The following PLCZ1 variants were observed in gnomAD, a reference collection of about 807,000 sequenced individuals.
PLCZ1 encodes phospholipase C zeta 1, also known as 1-phosphatidylinositol 4,5-bisphosphate phosphodiesterase zeta-1.
A neutral mutation model predicts 76.8 loss-of-function variants in PLCZ1; 64 were observed. The ratio of observed to expected loss-of-function variants is 0.83; its 90% CI spans 0.68 to 1.03. The LOEUF is 1.03. Among genes scored for constraint, PLCZ1 ranks in the 50% least tolerant of loss-of-function variants. The pLI is 0.00. For missense variants in PLCZ1, 751 were observed against 713.7 expected, an observed-to-expected ratio of 1.05 and a Z score of -0.60; for synonymous variants, 248 against 230.8, an observed-to-expected ratio of 1.07 and a Z score of -0.68.
intron 10 of PLCZ1, among the ~76,000 whole-genome samples, chr12:18,697,538 C>T (rs779975240): frequency 2.6e-5 from 4 of 152,026 alleles, no homozygotes; most frequent in African/African-American, 9.7e-5. Context: ...CTGAGATTAA[C>T]CTTTAGAAAA....
rs761409846 is a variant in PLCZ1 at position 18,694,912 on chromosome 12, T to C, written c.1459A>G (p.Arg487Gly). 3.2e-6 allele frequency: 5 copies of C among 1,586,236 alleles called. No homozygotes were observed. Among genetic ancestry groups the C allele is most frequent in the Non-Finnish European group, 4.3e-6 (5 of 1,157,288 alleles). Residue 487 changes from arginine (R) to glycine (G), a missense_variant and splice_region_variant, in exon 12 of 15, where the codon AGG (arginine) becomes GGG (glycine). Arg to Gly is a moderately radical substitution (Grantham distance 125, BLOSUM62 -2). Transcript: ENST00000266505. ...AAAAGAAAATTTATTAATCTTACCC[T>C]TATTGTAAGTGTAATTGGCATACCC... Reference protein sequence around the residue: ...KEGMPITLTIRLISGIQLPLT... With the variant: ...KEGMPITLTIGLISGIQLPLT...
the PLCZ1 span, among the ~76,000 whole-genome samples, chr12:18,676,284 G>A: frequency 0.1 from 15,851 of 152,138 alleles, 1,052 homozygotes; most frequent in African/African-American, 0.19. Context: ...AGCAATATGA[G>A]CTAATAAATG....
chr12:18,732,184 CTT>C (rs937521359), intron 3 of PLCZ1, among the ~76,000 whole-genome samples: 26 of 152,134 alleles, frequency 1.7e-4, no homozygotes, highest in Admixed American at 1.7e-3. Context: ...CAGGGTCTCT[CTT>C]TGTCACCCAG....
At chr12:18,696,378 A>C (rs905190333) in intron 10 of PLCZ1, 112 bp from the exon 11 acceptor site, 7 of 225,796 alleles carry the variant, frequency 3.1e-5, no homozygotes, top group Non-Finnish European at 4.4e-5. Flanking sequence ...AGTTTCAACA[A>C]TTTTGATATG....
chr12:18,705,201 G>C lies in PLCZ1; in HGVS notation c.829C>G (p.Leu277Val), dbSNP rs1228806714. 1.9e-6 allele frequency: 3 copies of C among 1,613,866 alleles called. No individual in the cohort carries two copies. The highest frequency in any genetic ancestry group is 1.7e-6 in the Non-Finnish European group (2 of 1,179,986). ...TFGESLLSDMLDDFPDTLPSP... is the reference protein window; with the variant it reads ...TFGESLLSDMVDDFPDTLPSP... ...GGTAGAGTATCAGGAAAATCATCAA[G>C]CATATCAGAAAGCAAGGACTCTCCA... The change falls in exon 7 of 15, where the codon CTT (leucine) becomes GTT (valine). Residue 277 changes from leucine to valine, a missense_variant. Transcript: ENST00000266505.
At chr12:18,701,441 A>G (rs1955900550) in intron 9 of PLCZ1, 60 bp downstream of exon 9, 3 of 1,607,480 alleles carry the variant, frequency 1.9e-6, no homozygotes, top group East Asian at 2.2e-5. Flanking sequence ...AAAAATCTCC[A>G]AGAATAAAAT....
chr12:18,689,554 C>G (rs1456246533), intron 12 of PLCZ1, among the ~76,000 whole-genome samples: 1 of 152,032 alleles, frequency 6.6e-6, no homozygotes, highest in Non-Finnish European at 1.5e-5. Context: ...ATTGGACACC[C>G]CTGGTTTAGG....
At chr12:18,694,784 G>T in intron 12 of PLCZ1, 126 bp downstream of exon 12, 1 of 757,868 alleles carries the variant, frequency 1.3e-6, no homozygotes, top group Non-Finnish European at 2.1e-6. Flanking sequence ...CCCACATATA[G>T]TACCTGAAAA....
chr12:18,671,187 T>TAA, the PLCZ1 span, among the ~76,000 whole-genome samples: 471 of 134,100 alleles, frequency 3.5e-3, 3 homozygotes, highest in African/African-American at 9.4e-3. Flanking sequence ...AGACTCCATC[T>TAA]AAAAAAAAAA....
In PLCZ1 at chr12:18,705,288, A is replaced by C. The variant is rs771533355; in HGVS notation, c.742T>G (p.Leu248Val). ...MTSDYPVVLSLENHCSTAQQE... is the reference protein window; with the variant it reads ...MTSDYPVVLSVENHCSTAQQE... ...TGGGCAGTGGAGCAGTGATTTTCTA[A>C]AGAGAGCACCACTGGGTAGTCAGAT... Residue 248 changes from leucine (L) to valine (V), a missense_variant, in exon 7 of 15, where the codon TTA becomes GTA. Physicochemically the swap from Leu to Val is conservative, Grantham distance 32. Transcript: ENST00000266505. 1.9e-6 allele frequency: 3 copies of C among 1,614,130 alleles called. No homozygotes were observed. Among genetic ancestry groups the C allele is most frequent in the Admixed American group, 3.3e-5 (2 of 60,020 alleles).
intron 12 of PLCZ1, chr12:18,692,722 A>C: frequency 1.2e-6 from 1 of 840,410 alleles, no homozygotes; most frequent in Non-Finnish European, 1.9e-6. Context: ...AATCATCAAC[A>C]TAAAGAAAAA....
intron 9 of PLCZ1, among the ~76,000 whole-genome samples, chr12:18,700,291 T>A (rs1955701447): frequency 6.6e-6 from 1 of 152,010 alleles, no homozygotes; most frequent in Admixed American, 6.6e-5. Flanking sequence ...TGAAATGACT[T>A]CTATTACATA....
intron 10 of PLCZ1, 84 bp downstream of exon 10, chr12:18,699,710 T>C (rs1275297666): frequency 2.2e-6 from 3 of 1,352,084 alleles, no homozygotes; most frequent in South Asian, 2.4e-5. Flanking sequence ...ATACATTTTA[T>C]AAATATCATT....
At chr12:18,719,902 T>C (rs1958339033) in intron 4 of PLCZ1, among the ~76,000 whole-genome samples, 1 of 152,020 alleles carries the variant, frequency 6.6e-6, no homozygotes, top group African/African-American at 2.4e-5. Context: ...AAAGTACATA[T>C]ATTATGGACC....
At chr12:18,718,633 C>T (rs1958238402) in intron 5 of PLCZ1, among the ~76,000 whole-genome samples, 1 of 152,132 alleles carries the variant, frequency 6.6e-6, no homozygotes, top group Non-Finnish European at 1.5e-5. Context: ...CATGCCACAA[C>T]TATTTCTTTT....
the PLCZ1 span, among the ~76,000 whole-genome samples, chr12:18,657,749 A>G: frequency 6.6e-6 from 1 of 152,206 alleles, no homozygotes. Flanking sequence ...ACACTATAAT[A>G]TTCAAAATGT....
In PLCZ1 at chr12:18,737,408, G is replaced by A; in HGVS notation, c.-37C>T. On this transcript the variant is annotated 5_prime_UTR_variant, in exon 2 of 15. Transcript: ENST00000266505. ...CTGTAGAGCCGTTTCTCCTCACTTA[G>A]AAGTCTTTCCCCAGTAGGTGCTGTC... The A allele has an allele frequency of 6.2e-7, 1 of 1,613,330 alleles. No individual in the cohort carries two copies. Among genetic ancestry groups the A allele is most frequent in the Non-Finnish European group, 8.5e-7 (1 of 1,179,396 alleles).
the PLCZ1 span, among the ~76,000 whole-genome samples, chr12:18,657,819 A>AG: frequency 6.6e-6 from 1 of 152,102 alleles, no homozygotes; most frequent in Non-Finnish European, 1.5e-5. Flanking sequence ...GCCCATACAC[A>AG]GAAAAAAAAG....
Position 18,713,295 on chromosome 12 carries a change from C to A in PLCZ1, c.570-309G>T, listed in dbSNP as rs372259450. On this transcript the variant is annotated intron_variant, in intron 5 of 14. Coordinates refer to ENST00000266505, the MANE Select transcript of PLCZ1 (RefSeq NM_033123.4). Reference sequence around the variant, plus strand: ...GAGGATACCTGCTCCATAGTTGTAGCTCTGAAACATCCCTACTCCCAACCC... The same window carrying A: ...GAGGATACCTGCTCCATAGTTGTAGATCTGAAACATCCCTACTCCCAACCC... Among the ~76,000 whole-genome samples, 109 of 152,236 alleles carry A rather than the reference C, an allele frequency of 7.2e-4. 1 individual carries two copies. Among genetic ancestry groups the A allele is most frequent in the African/African-American group, 2.6e-3 (106 of 41,558 alleles).
Sources: gnomAD v4.1 joint callset for allele counts (sites outside exome capture counted in the v4.1 genomes callset) on GRCh38, gnomAD v4.1.1 for gene constraint, MANE v1.5 for transcripts, NCBI Gene and HGNC (gene_info 2026-07-23, HGNC 2026-07-21) for gene names.